The following RBFOX1 variants were observed in gnomAD, a reference collection of about 807,000 sequenced individuals.
The protein encoded by RBFOX1 is RNA binding protein fox-1 homolog 1.
A neutral mutation model predicts 57.7 loss-of-function variants in RBFOX1; 8 were observed. The observed-to-expected ratio is 0.14, with a 90% CI of 0.08 to 0.25. The LOEUF (loss-of-function observed/expected upper bound fraction) is 0.25. Among genes scored for constraint, RBFOX1 ranks in the 10% least tolerant of loss-of-function variants. The probability of loss-of-function intolerance (pLI) is 1.00; values close to 1 mark genes in which losing one functional copy is unlikely to be tolerated. For missense variants in RBFOX1, 611 were observed against 548.5 expected (o/e 1.11, Z -1.14); for synonymous variants, 326 against 222.4 (o/e 1.47, Z -4.15).
intron 4 of RBFOX1, among the ~76,000 whole-genome samples, chr16:7,237,857 A>C (rs2093849704): frequency 6.6e-6 from 1 of 152,308 alleles, no homozygotes; most frequent in South Asian, 2.1e-4. Flanking sequence ...TAGAAAAATT[A>C]GCTGGACATG....
intron 1 of RBFOX1, among the ~76,000 whole-genome samples, chr16:6,278,563 C>A (rs369302420): frequency 1.2e-4 from 19 of 152,064 alleles, no homozygotes; most frequent in African/African-American, 4.3e-4. Context: ...TTCCCCTTAT[C>A]TCTGAATTTC....
At chr16:5,686,416 C>T (rs1249598021) in intron 3 of RBFOX1, among the ~76,000 whole-genome samples, 1 of 151,926 alleles carries the variant, frequency 6.6e-6, no homozygotes, top group Non-Finnish European at 1.5e-5. Flanking sequence ...GAAAGACTTC[C>T]TGGGAATAGG....
At chr16:5,953,523 C>G (rs1024363313) in intron 4 of RBFOX1, among the ~76,000 whole-genome samples, 10 of 151,992 alleles carry the variant, frequency 6.6e-5, no homozygotes, top group Non-Finnish European at 1.3e-4. Flanking sequence ...CCCCAAAGTC[C>G]ACTGGGTCAT....
intron 3 of RBFOX1, among the ~76,000 whole-genome samples, chr16:6,918,501 C>G (rs573249084): frequency 2.6e-5 from 4 of 152,276 alleles, no homozygotes; most frequent in South Asian, 2.1e-4. Context: ...AAATTAATGT[C>G]TGCCTGGGCC....
At chr16:5,636,942 C>T (rs2108997) in intron 3 of RBFOX1, among the ~76,000 whole-genome samples, 77,184 of 152,088 alleles carry the variant, frequency 0.51, 23,887 homozygotes, top group Non-Finnish European at 0.7. Flanking sequence ...CCTTGGGAGC[C>T]AGGATTTGCC....
chr16:5,727,341 C>G (rs1373181074), intron 3 of RBFOX1, among the ~76,000 whole-genome samples: 1 of 152,110 alleles, frequency 6.6e-6, no homozygotes, highest in Non-Finnish European at 1.5e-5. Flanking sequence ...TTTGTTTCTT[C>G]TAGCTTTATT....
At chr16:7,198,378 A>T (rs182328495) in intron 4 of RBFOX1, among the ~76,000 whole-genome samples, 35 of 152,322 alleles carry the variant, frequency 2.3e-4, no homozygotes, top group African/African-American at 8.2e-4. Flanking sequence ...GTTGTGCAAC[A>T]TTGTGAATGT....
intron 4 of RBFOX1, among the ~76,000 whole-genome samples, chr16:7,391,855 C>T (rs970241047): frequency 2.6e-5 from 4 of 152,190 alleles, no homozygotes; most frequent in Admixed American, 1.3e-4. Context: ...CCAGCCTGTC[C>T]AGACACTGAT....
intron 2 of RBFOX1, among the ~76,000 whole-genome samples, chr16:6,371,790 C>T (rs761304062): frequency 2.6e-5 from 4 of 152,150 alleles, no homozygotes; most frequent in Admixed American, 1.3e-4. Context: ...CTTTTCAAAG[C>T]CAAGAATTTG....
intron 4 of RBFOX1, among the ~76,000 whole-genome samples, chr16:7,499,859 G>T (rs564544533): frequency 6.6e-6 from 1 of 151,588 alleles, no homozygotes; most frequent in South Asian, 2.1e-4. Flanking sequence ...CAATTATTGG[G>T]CCAGACTTCT....
intron 1 of RBFOX1, among the ~76,000 whole-genome samples, chr16:5,288,388 A>G (rs1243146390): frequency 6.6e-6 from 1 of 152,182 alleles, no homozygotes; most frequent in Non-Finnish European, 1.5e-5. Flanking sequence ...TTCCCTTCAT[A>G]ATAACATTAG....
chr16:5,785,164 A>G (rs1240152792), intron 3 of RBFOX1, among the ~76,000 whole-genome samples: 1 of 152,176 alleles, frequency 6.6e-6, no homozygotes, highest in Non-Finnish European at 1.5e-5. Flanking sequence ...AAGAGACGGG[A>G]CATTCAACGG....
intron 3 of RBFOX1, among the ~76,000 whole-genome samples, chr16:6,809,186 A>G (rs75070278): frequency 0.031 from 4,685 of 152,236 alleles, 235 homozygotes; most frequent in African/African-American, 0.11. Context: ...TTTTCTGTCT[A>G]TGAATTTTCT....
At chr16:6,095,897 TC>T (rs1341380973) in intron 1 of RBFOX1, among the ~76,000 whole-genome samples, 1 of 152,192 alleles carries the variant, frequency 6.6e-6, no homozygotes, top group Non-Finnish European at 1.5e-5. Flanking sequence ...TGGCGTGCCT[TC>T]CCACAGGCTC....
At chr16:6,461,649 C>T (rs947360259) in intron 2 of RBFOX1, among the ~76,000 whole-genome samples, 1 of 152,114 alleles carries the variant, frequency 6.6e-6, no homozygotes, top group Non-Finnish European at 1.5e-5. Flanking sequence ...TATGTCTCCC[C>T]ATAGGGATAA....
intron 2 of RBFOX1, among the ~76,000 whole-genome samples, chr16:6,609,267 G>C (rs1293395543): frequency 6.6e-6 from 1 of 152,186 alleles, no homozygotes; most frequent in African/African-American, 2.4e-5. Context: ...AAAGTTCTTA[G>C]CACAGTGGCT....
At chr16:5,972,370 A>T (rs1480478826) in intron 4 of RBFOX1, among the ~76,000 whole-genome samples, 1 of 152,226 alleles carries the variant, frequency 6.6e-6, no homozygotes, top group Non-Finnish European at 1.5e-5. Context: ...ACTGACCATC[A>T]ATAGTGCATG....
chr16:7,065,816 C>G (rs1397864377), intron 4 of RBFOX1, among the ~76,000 whole-genome samples: 2 of 152,126 alleles, frequency 1.3e-5, no homozygotes, highest in African/African-American at 2.4e-5. Context: ...CCTCCAGCCT[C>G]CAAGCCTCTG....
intron 1 of RBFOX1, among the ~76,000 whole-genome samples, chr16:6,036,597 C>G (rs2095368553): frequency 9.5e-6 from 1 of 105,632 alleles, no homozygotes; most frequent in Non-Finnish European, 2.0e-5. Context: ...CTGGGTCAGA[C>G]AGTGTCTGTC....
Sources: allele counts gnomAD v4.1 joint callset (sites outside exome capture counted in the v4.1 genomes callset), GRCh38; gene constraint gnomAD v4.1.1; transcripts MANE v1.5; gene names NCBI Gene and HGNC (gene_info 2026-07-23, HGNC 2026-07-21).